The following CEACAM19 variants were observed in gnomAD, a reference collection of about 807,000 sequenced individuals.
CEACAM19 encodes the protein CEA cell adhesion molecule 19.
A neutral mutation model predicts 37.6 loss-of-function variants in CEACAM19; 37 were observed. That is an observed-to-expected ratio of 0.98 (90% CI 0.76 to 1.29). The LOEUF is 1.29. Among genes scored for constraint, CEACAM19 ranks in the 50% most tolerant of loss-of-function variants. The pLI is 0.00. For missense variants in CEACAM19, 340 were observed against 375.6 expected, an observed-to-expected ratio of 0.91 and a Z score of 0.78; for synonymous variants, 140 against 149.8, an observed-to-expected ratio of 0.93 and a Z score of 0.48.
chr19:44,677,432 GGAGA>G (rs146217697), intron 3 of CEACAM19, among the ~76,000 whole-genome samples: 1,871 of 147,730 alleles, frequency 0.013, 18 homozygotes, highest in Non-Finnish European at 0.021. Context: ...CTACTTGTAT[GGAGA>G]GAGAGAGAGA....
chr19:44,670,266 T>C (rs1326805100), upstream of CEACAM19, among the ~76,000 whole-genome samples: 1 of 149,492 alleles, frequency 6.7e-6, no homozygotes, highest in African/African-American at 2.5e-5. Flanking sequence ...GAGGCTGCAG[T>C]GAGCAATGAT....
chr19:44,672,146 T>G (rs1973865990), intron 1 of CEACAM19, among the ~76,000 whole-genome samples, 160 bp downstream of exon 1: 1 of 152,202 alleles, frequency 6.6e-6, no homozygotes, highest in South Asian at 2.1e-4. Context: ...CCATTTTATC[T>G]ATGGAATTTT....
At chr19:44,665,892 CTT>C (rs1254245292) in intron 1 of CEACAM19, 1 of 152,336 alleles carries the variant, frequency 6.6e-6, no homozygotes, top group Non-Finnish European at 1.5e-5. Context: ...CCAGCAGCGT[CTT>C]TTCCGGTCTC....
chr19:44,682,580 C>T lies in CEACAM19; in HGVS notation c.806C>T (p.Pro269Leu), dbSNP rs1248908366. The T allele has an allele frequency of 6.2e-7, 1 of 1,603,570 alleles. No individual in the cohort carries two copies. Among genetic ancestry groups the T allele is most frequent in the South Asian group, 1.1e-5 (1 of 88,984 alleles). Reference protein sequence around the residue: ...SINPARPLPTPPHLQAEPENH... With the variant: ...SINPARPLPTLPHLQAEPENH... ...CTTCCCTTGCAGCCCCTGCCCACAC[C>T]CCCACACCTGCAGGCGGAGCCAGAG... The change falls in exon 7 of 8, where the codon CCC becomes CTC. Residue 269 changes from proline to leucine, a missense_variant. Pro to Leu is a moderately conservative substitution (Grantham distance 98). Coordinates refer to ENST00000358777, the MANE Select transcript of CEACAM19 (RefSeq NM_001127893.3).
chr19:44,666,842 T>G (rs1211363065), upstream of CEACAM19: 1 of 151,874 alleles, frequency 6.6e-6, no homozygotes, highest in Non-Finnish European at 1.5e-5. Flanking sequence ...AAAGACAAGG[T>G]CAACAGCAAT....
chr19:44,670,902 C>A (rs144919668), upstream of CEACAM19, among the ~76,000 whole-genome samples: 1,616 of 151,754 alleles, frequency 0.011, 27 homozygotes, highest in African/African-American at 0.037. Context: ...TCAAGACCAG[C>A]CTGACCAACA....
intron 5 of CEACAM19, 142 bp downstream of exon 5, chr19:44,680,476 A>T: frequency 1.5e-6 from 1 of 681,912 alleles, no homozygotes; most frequent in Non-Finnish European, 2.5e-6. Context: ...GGCCCCCTGA[A>T]CTCACCCACA....
upstream of CEACAM19, among the ~76,000 whole-genome samples, chr19:44,668,565 T>TATAATATGTG (rs1373277232): frequency 9.5e-5 from 4 of 42,060 alleles, no homozygotes; most frequent in South Asian, 2.9e-3. Context: ...TATATACATA[T>TATAATATGTG]TATATATGTA....
chr19:44,682,617 C>G lies in CEACAM19; in HGVS notation c.843C>G (p.Tyr281Ter), dbSNP rs1368713787. The change falls in exon 7 of 8, where the codon TAC becomes TAG. Residue 281 changes from tyrosine to a stop codon, truncating the protein, a stop_gained. Coordinates refer to ENST00000358777, the MANE Select transcript of CEACAM19 (RefSeq NM_001127893.3). LOFTEE classifies it high-confidence loss of function. ...AGGCGGAGCCAGAGAACCACCAGTA[C>G]CAGGTATGGAGCTGGGAGCTGGGAG... is the stretch of plus-strand genomic sequence containing the variant. ...HLQAEPENHQ[Y>*]QDLLNPDPAP... is the part of the protein sequence containing the mutation. The G allele has an allele frequency of 1.9e-6, 3 of 1,602,880 alleles. No individual in the cohort carries two copies. The highest frequency in any genetic ancestry group is 1.3e-5 in the African/African-American group (1 of 74,674).
At chr19:44,673,899 T>G (rs1397297256) in intron 2 of CEACAM19, 1 of 152,110 alleles carries the variant, frequency 6.6e-6, no homozygotes, top group Non-Finnish European at 1.5e-5. Context: ...AGGACACAGA[T>G]CCCCTTAGAA....
upstream of CEACAM19, among the ~76,000 whole-genome samples, chr19:44,670,826 T>C (rs1599785495): frequency 8.0e-6 from 1 of 125,250 alleles, no homozygotes. Context: ...CTGAGCGCGG[T>C]GGCTCACACC....
Position 44,681,211 on chromosome 19 carries a change from CT to C in CEACAM19, c.707-15del, listed in dbSNP as rs1233034258. ...GCCCATGTGTCAGCTGGTACCTCCC[CT>C]GGCCTCTGTTTCAGGTGACAACAAC... is the stretch of plus-strand genomic sequence containing the variant. On this transcript the variant is annotated splice_polypyrimidine_tract_variant and intron_variant, in intron 5 of 7. Coordinates refer to ENST00000358777, the MANE Select transcript of CEACAM19 (RefSeq NM_001127893.3). The C allele has an allele frequency of 3.1e-6, 5 of 1,606,616 alleles. No individual in the cohort carries two copies. The African/African-American group carries it at 4.0e-5, about 13-fold the overall frequency.
chr19:44,676,170 A>C (rs1392316225), intron 2 of CEACAM19, 101 bp from the exon 3 acceptor site: 1 of 1,213,568 alleles, frequency 8.2e-7, no homozygotes, highest in Admixed American at 2.2e-5. Flanking sequence ...ACTGCACCTC[A>C]GTTCTCCATG....
At position 44,678,891 on chromosome 19, in the gene CEACAM19, T is replaced by G; in HGVS notation, c.614T>G (p.Leu205Trp). Residue 205 changes from leucine (L) to tryptophan (W), a missense_variant, in exon 4 of 8, where the codon TTG (leucine) becomes TGG (tryptophan). Leu to Trp is a moderately conservative substitution (Grantham distance 61). Coordinates refer to ENST00000358777, the MANE Select transcript of CEACAM19 (RefSeq NM_001127893.3). ...AGGGGCCAGGGATCTCTGTCCATCT[T>G]GTGCTCGGCTGTATCCCCAGTGCCT... ...APRGQGSLSILCSAVSPVPSV... is the reference protein window; with the variant it reads ...APRGQGSLSIWCSAVSPVPSV... 1.2e-6 allele frequency: 2 copies of G among 1,614,062 alleles called. No homozygotes were observed. The highest frequency in any genetic ancestry group is 1.7e-6 in the Non-Finnish European group (2 of 1,179,986).
At chr19:44,678,021 C>T (rs1345330871) in intron 3 of CEACAM19, 1 of 152,076 alleles carries the variant, frequency 6.6e-6, no homozygotes, top group African/African-American at 2.4e-5. Flanking sequence ...CTTTATCACC[C>T]AGGCTGGAGT....
intron 7 of CEACAM19, 46 bp from the exon 8 acceptor site, chr19:44,683,390 TC>T: frequency 3.9e-6 from 3 of 771,600 alleles, no homozygotes; most frequent in South Asian, 1.7e-5. Flanking sequence ...CCCAAGACTC[TC>T]CCCCTCCACC....
At chr19:44,668,766 AATATAATATATAATTAT>A (rs1398421061), upstream of CEACAM19, among the ~76,000 whole-genome samples, 4 of 70,484 alleles carry the variant, frequency 5.7e-5, no homozygotes, top group Non-Finnish European at 1.1e-4. Flanking sequence ...TAATATATAT[AATATAATATATAATTAT>A]ATATAATATA....
upstream of CEACAM19, among the ~76,000 whole-genome samples, chr19:44,667,915 T>C (rs1384751366): frequency 1.3e-5 from 1 of 76,900 alleles, no homozygotes; most frequent in Non-Finnish European, 2.1e-5. Context: ...AAAATATATA[T>C]AAATTATATA....
At chr19:44,668,977 G>T (rs982826912), upstream of CEACAM19, among the ~76,000 whole-genome samples, 3 of 149,018 alleles carry the variant, frequency 2.0e-5, no homozygotes, top group Admixed American at 2.1e-4. Flanking sequence ...GCGCCACCAC[G>T]GCCAGCTAAT....
Sources: gnomAD v4.1 joint callset for allele counts (sites outside exome capture counted in the v4.1 genomes callset) on GRCh38, gnomAD v4.1.1 for gene constraint, MANE v1.5 for transcripts, NCBI Gene and HGNC (gene_info 2026-07-23, HGNC 2026-07-21) for gene names.